The following COQ5 variants were observed in gnomAD, a reference collection of about 807,000 sequenced individuals.
The protein encoded by COQ5 is 2-methoxy-6-polyprenyl-1,4-benzoquinol methylase, mitochondrial.
COQ5 carries 27 observed loss-of-function variants against 40.5 expected under a neutral mutation model. The ratio of observed to expected loss-of-function variants is 0.67; its 90% CI spans 0.49 to 0.92. COQ5 has a LOEUF of 0.92. Ranked by LOEUF, COQ5 falls within the 40% of genes least tolerant of loss-of-function variation. The pLI, the probability that COQ5 is intolerant of heterozygous loss-of-function variation, is 0.00. For synonymous variants in COQ5, 141 were observed against 150.0 expected (o/e 0.94, Z 0.44); for missense variants, 409 against 406.4 (o/e 1.01, Z -0.06).
At chr12:120,508,150 C>G (rs1016181806) in intron 4 of COQ5, among the ~76,000 whole-genome samples, 13 of 151,952 alleles carry the variant, frequency 8.6e-5, no homozygotes, top group African/African-American at 3.1e-4. Flanking sequence ...TTCGTGCCGC[C>G]ACGCCCAGCT....
In COQ5 at chr12:120,529,105, A is replaced by T. The variant is rs756490285; in HGVS notation, c.37T>A (p.Cys13Ser). The change falls in exon 1 of 7, where the codon TGC (cysteine) becomes AGC (serine). Residue 13 changes from cysteine to serine, a missense_variant. By Grantham distance (112) the Cys-to-Ser change is moderately radical (BLOSUM62 -1). Transcript: ENST00000288532. ...ATCGCCCGCGACCACCCACGGCCGC[A>T]ATAGCTCCATAGAGCACAGCTCCCG... ...APGSCALWSY[C>S]GRGWSRAMRG... 1 of 1,614,120 alleles carries T rather than the reference A, an allele frequency of 6.2e-7. No homozygotes were observed. Among genetic ancestry groups the T allele is most frequent in the Non-Finnish European group, 8.5e-7 (1 of 1,180,008 alleles).
chr12:120,528,845 G>T, intron 1 of COQ5, 95 bp downstream of exon 1: 2 of 1,134,638 alleles, frequency 1.8e-6, no homozygotes, highest in African/African-American at 1.5e-5. Context: ...CAACAACACT[G>T]GAACTAATTG....
At chr12:120,504,409 T>C (rs902486000) in intron 5 of COQ5, among the ~76,000 whole-genome samples, 8 of 21,016 alleles carry the variant, frequency 3.8e-4, no homozygotes, top group Non-Finnish European at 1.3e-3. Flanking sequence ...CTGATTTAAA[T>C]TTTTTTTTTT....
At chr12:120,504,408 ATTTTTTTTTTT>A (rs33973905) in intron 5 of COQ5, among the ~76,000 whole-genome samples, 2 of 111,066 alleles carry the variant, frequency 1.8e-5, no homozygotes, top group East Asian at 2.7e-4. Context: ...CCTGATTTAA[ATTTTTTTTTTT>A]TTTTTTTTTT....
chr12:120,526,117 T>G (rs1869929449), intron 1 of COQ5, among the ~76,000 whole-genome samples: 1 of 152,178 alleles, frequency 6.6e-6, no homozygotes, highest in Non-Finnish European at 1.5e-5. Flanking sequence ...AATCACTATG[T>G]AAATAACAGA....
chr12:120,523,982 C>A (rs1012972918), intron 1 of COQ5: 1 of 361,110 alleles, frequency 2.8e-6, no homozygotes, highest in South Asian at 1.9e-5. Flanking sequence ...TGCATTCCAG[C>A]CTGGGCGACA....
chr12:120,507,457 G>A (rs1171656104), intron 4 of COQ5, among the ~76,000 whole-genome samples: 5 of 149,684 alleles, frequency 3.3e-5, no homozygotes, highest in Non-Finnish European at 5.9e-5. Context: ...GCTAATTTTT[G>A]TATTTTTAGT....
intron 1 of COQ5, chr12:120,522,897 G>T: frequency 1.4e-6 from 1 of 720,032 alleles, no homozygotes; most frequent in Non-Finnish European, 2.5e-6. Flanking sequence ...CTTTACAAGG[G>T]CCTTGATAGC....
intron 2 of COQ5, among the ~76,000 whole-genome samples, chr12:120,519,870 CAAAAAA>C (rs1176340696): frequency 1.0e-5 from 1 of 99,194 alleles, no homozygotes; most frequent in African/African-American, 3.9e-5. Context: ...GACTTGGACT[CAAAAAA>C]AAAAAAAAAA....
Position 120,516,734 on chromosome 12 carries a change from T to C in COQ5, c.407A>G (p.Gln136Arg), listed in dbSNP as rs1180160727. ...TTGTTGGGCCCTTAACTGCCTCTTC[T>C]GTTTTCTCTGATGCTGGGACTGAAC... Reference protein sequence around the residue: ...NYVQSQHQRKQKRQLRAQQNL... With the variant: ...NYVQSQHQRKRKRQLRAQQNL... The change falls in exon 3 of 7, where the codon CAG becomes CGG. Residue 136 changes from glutamine (Q) to arginine (R), a missense_variant. Coordinates refer to ENST00000288532, the MANE Select transcript of COQ5 (RefSeq NM_032314.4). 2 of 1,614,256 alleles carry C rather than the reference T, an allele frequency of 1.2e-6. No individual in the cohort carries two copies. Among genetic ancestry groups the C allele is most frequent in the East Asian group, 2.2e-5 (1 of 44,894 alleles).
At chr12:120,518,140 T>A (rs756553543) in intron 2 of COQ5, among the ~76,000 whole-genome samples, 1 of 151,930 alleles carries the variant, frequency 6.6e-6, no homozygotes, top group Non-Finnish European at 1.5e-5. Flanking sequence ...TGTTTCCGGC[T>A]GGGCTCGGTG....
intron 4 of COQ5, among the ~76,000 whole-genome samples, chr12:120,505,340 T>C (rs896877434): frequency 6.6e-6 from 1 of 152,158 alleles, no homozygotes; most frequent in African/African-American, 2.4e-5. Flanking sequence ...GCTTCTACTG[T>C]GGGAATGACA....
rs146138180 is a variant in COQ5 at position 120,505,718 on chromosome 12, G to A, written c.682-735C>T. On this transcript the variant is annotated intron_variant, in intron 4 of 6. Coordinates refer to ENST00000288532, the MANE Select transcript of COQ5 (RefSeq NM_032314.4). The stretch of plus-strand genomic sequence containing the variant: ...ATTACAGGCACGTACCACCACACCC[G>A]GCTAATTTTGTATTTTTAGTAGAGA... 3.4e-3 allele frequency among the ~76,000 whole-genome samples: 514 copies of A among 151,000 alleles called. 2 individuals carry two copies. Among genetic ancestry groups the A allele is most frequent in the Admixed American group, 0.011 (172 of 15,056 alleles).
At chr12:120,527,241 C>A (rs930275436) in intron 1 of COQ5, 11 of 152,102 alleles carry the variant, frequency 7.2e-5, no homozygotes, top group African/African-American at 2.4e-4. Context: ...CGTCACCATG[C>A]TTGGCTAATT....
chr12:120,525,547 T>C (rs1417356762), intron 1 of COQ5, among the ~76,000 whole-genome samples: 1 of 151,734 alleles, frequency 6.6e-6, no homozygotes, highest in Non-Finnish European at 1.5e-5. Context: ...ACCCAGGAGT[T>C]CAAGGCTGCA....
At chr12:120,523,926 C>T (rs1337681389) in intron 1 of COQ5, 2 of 423,120 alleles carry the variant, frequency 4.7e-6, no homozygotes, top group Non-Finnish European at 9.5e-6. Flanking sequence ...AGGAGAATCA[C>T]TGGAACCTGG....
intron 3 of COQ5, among the ~76,000 whole-genome samples, chr12:120,511,135 T>C (rs1869119172): frequency 6.6e-6 from 1 of 151,828 alleles, no homozygotes; most frequent in African/African-American, 2.4e-5. Context: ...CATGCACCTG[T>C]AGTCCCAGCT....
Position 120,503,776 on chromosome 12 carries a change from G to A in COQ5, c.*8C>T, listed in dbSNP as rs758897426. The stretch of plus-strand genomic sequence containing the variant: ...ATGACTGGTTCATGCTCCATGATAG[G>A]AAAGGAATTAAAGTTTGAAGCCAGA... On this transcript the variant is annotated 3_prime_UTR_variant, in exon 7 of 7. Coordinates refer to ENST00000288532, the MANE Select transcript of COQ5 (RefSeq NM_032314.4). 1.1e-5 allele frequency: 17 copies of A among 1,604,106 alleles called. No homozygotes were observed. The highest frequency in any genetic ancestry group is 1.5e-5 in the Non-Finnish European group (17 of 1,170,994).
Position 120,518,302 on chromosome 12 carries a change from C to T in COQ5, c.353-1514G>A, listed in dbSNP as rs555424005. Among the ~76,000 whole-genome samples the T allele has an allele frequency of 2.0e-5, 3 of 151,962 alleles. No individual in the cohort carries two copies. In the East Asian group the frequency reaches 5.8e-4, roughly 30 times the overall value. ...AAATTAGCCAGGTGTGGGGCACATG[C>T]CTGTATTCCTAGCTATTTGGGAGGC... On this transcript the variant is annotated intron_variant, in intron 2 of 6. Coordinates refer to ENST00000288532, the MANE Select transcript of COQ5 (RefSeq NM_032314.4).
Sources: gnomAD v4.1 joint callset for allele counts (sites outside exome capture counted in the v4.1 genomes callset) on GRCh38, gnomAD v4.1.1 for gene constraint, MANE v1.5 for transcripts, NCBI Gene and HGNC (gene_info 2026-07-23, HGNC 2026-07-21) for gene names.